The following MED27 variants were observed in gnomAD, a reference collection of about 807,000 sequenced individuals.
The protein encoded by MED27 is mediator of RNA polymerase II transcription subunit 27.
MED27 carries 30 observed loss-of-function variants against 38.2 expected under a neutral mutation model. That is an observed-to-expected ratio of 0.79 (90% CI 0.59 to 1.07). The LOEUF (loss-of-function observed/expected upper bound fraction) is 1.07. Among genes scored for constraint, MED27 ranks in the 50% least tolerant of loss-of-function variants. MED27 has a pLI of 0.00. For missense variants in MED27, 289 were observed against 397.5 expected (o/e 0.73, Z 2.32); for synonymous variants, 122 against 153.5 (o/e 0.79, Z 1.52).
At chr9:132,036,078 GA>G (rs1833069451) in intron 2 of MED27, among the ~76,000 whole-genome samples, 1 of 152,154 alleles carries the variant, frequency 6.6e-6, no homozygotes, top group Non-Finnish European at 1.5e-5. Flanking sequence ...AGACATTTTA[GA>G]AACATGAAAA....
chr9:131,924,381 T>C (rs1434056006), intron 4 of MED27, among the ~76,000 whole-genome samples: 22 of 152,182 alleles, frequency 1.4e-4, no homozygotes, highest in Admixed American at 1.4e-3. Flanking sequence ...ATATTTAAAA[T>C]TTGGTGAATT....
chr9:131,967,959 A>C (rs1831387571), intron 3 of MED27, among the ~76,000 whole-genome samples: 1 of 151,692 alleles, frequency 6.6e-6, no homozygotes, highest in South Asian at 2.1e-4. Flanking sequence ...CTGGGACTAC[A>C]GGCATCCACC....
rs1051246285 is a variant in MED27 at position 131,921,226 on chromosome 9, A to C, written c.573+18155T>G. 2.0e-5 allele frequency among the ~76,000 whole-genome samples: 3 copies of C among 152,156 alleles called. No homozygotes were observed. In the East Asian group the frequency reaches 5.8e-4, roughly 29 times the overall value. ...CCCTTCATCTAGGTGTCCTGTTAGC[A>C]CTACCCTGCACCTGCCGCAAACTCA... is the stretch of plus-strand genomic sequence containing the variant. On this transcript the variant is annotated intron_variant, in intron 4 of 7. Transcript: ENST00000292035.
At chr9:132,011,091 T>G (rs1832477025) in intron 3 of MED27, among the ~76,000 whole-genome samples, 1 of 152,182 alleles carries the variant, frequency 6.6e-6, no homozygotes. Flanking sequence ...GATATTGATA[T>G]GCAAATTTGA....
chr9:131,919,169 G>A (rs35249138), intron 4 of MED27, among the ~76,000 whole-genome samples: 41,268 of 152,090 alleles, frequency 0.27, 5,797 homozygotes, highest in East Asian at 0.4. Flanking sequence ...ACAGAATGCC[G>A]TATTTACACG....
At chr9:132,065,654 C>A (rs1434731916) in intron 2 of MED27, among the ~76,000 whole-genome samples, 1 of 152,210 alleles carries the variant, frequency 6.6e-6, no homozygotes, top group Non-Finnish European at 1.5e-5. Flanking sequence ...CCTGCAGCTG[C>A]CTTCCTCATA....
At chr9:132,028,741 C>T (rs1163353835) in intron 2 of MED27, among the ~76,000 whole-genome samples, 2 of 152,114 alleles carry the variant, frequency 1.3e-5, no homozygotes, top group African/African-American at 2.4e-5. Flanking sequence ...TTTCAAAACA[C>T]AGCCAGAGAT....
intron 3 of MED27, among the ~76,000 whole-genome samples, chr9:132,006,119 A>C (rs1461789191): frequency 2.0e-5 from 3 of 152,300 alleles, no homozygotes; most frequent in Non-Finnish European, 4.4e-5. Context: ...TTTCTACCCA[A>C]GTTTTGATGA....
At position 132,071,834 on chromosome 9, in the gene MED27, C is replaced by T. The variant is rs548282756; in HGVS notation, c.348+5608G>A. Among the ~76,000 whole-genome samples, 14 of 149,482 alleles carry T rather than the reference C, an allele frequency of 9.4e-5. No homozygotes were observed. The East Asian group carries it at 2.9e-3, about 31-fold the overall frequency. Reference sequence around the variant, plus strand: ...TGCACGCCCCATAAGTGAGTACACACATACACACACCCCATGAACAAGCAC... The same window carrying T: ...TGCACGCCCCATAAGTGAGTACACATATACACACACCCCATGAACAAGCAC... On this transcript the variant is annotated intron_variant, in intron 2 of 7. Coordinates refer to ENST00000292035, the MANE Select transcript of MED27 (RefSeq NM_004269.4).
chr9:131,923,223 C>T (rs190223388), intron 4 of MED27, among the ~76,000 whole-genome samples: 2 of 152,276 alleles, frequency 1.3e-5, no homozygotes, highest in Non-Finnish European at 2.9e-5. Flanking sequence ...CTGATACTTC[C>T]AATCGCAGTC....
chr9:131,952,206 A>G (rs953635202), intron 3 of MED27, among the ~76,000 whole-genome samples: 3 of 152,190 alleles, frequency 2.0e-5, no homozygotes, highest in African/African-American at 4.8e-5. Flanking sequence ...AGGGCAGGAG[A>G]AGCACGAGGC....
chr9:131,932,819 A>C (rs1364667201), intron 4 of MED27, among the ~76,000 whole-genome samples: 2 of 152,210 alleles, frequency 1.3e-5, no homozygotes, highest in African/African-American at 4.8e-5. Context: ...AACAAAAAAG[A>C]AAACTATAGG....
chr9:132,030,535 C>T (rs1832936076), intron 2 of MED27, among the ~76,000 whole-genome samples: 2 of 152,106 alleles, frequency 1.3e-5, no homozygotes, highest in Admixed American at 6.5e-5. Flanking sequence ...TAGCATCCGA[C>T]GGATCTTCTT....
intron 4 of MED27, among the ~76,000 whole-genome samples, chr9:131,912,994 A>G (rs957275897): frequency 2.0e-5 from 3 of 152,242 alleles, no homozygotes; most frequent in African/African-American, 7.2e-5. Context: ...TCTCCCTTTG[A>G]GGGTAGGTAC....
At chr9:131,998,397 T>C (rs1280442654) in intron 3 of MED27, among the ~76,000 whole-genome samples, 1 of 152,096 alleles carries the variant, frequency 6.6e-6, no homozygotes, top group Non-Finnish European at 1.5e-5. Context: ...GTTCCAGGCC[T>C]GGATCTGTTA....
At position 131,984,415 on chromosome 9, in the gene MED27, G is replaced by A. The variant is rs1363221627; in HGVS notation, c.479+29922C>T. On this transcript the variant is annotated intron_variant, in intron 3 of 7. Transcript: ENST00000292035. ...CTCAGATGACTATGAACTCAAGATC[G>A]ACTTGTTTGCCAGGCACTGTTCTAG... 4.6e-5 allele frequency among the ~76,000 whole-genome samples: 7 copies of A among 152,102 alleles called. No individual in the cohort carries two copies. In the South Asian group the frequency reaches 6.2e-4, roughly 14 times the overall value.
intron 2 of MED27, among the ~76,000 whole-genome samples, chr9:132,047,725 T>G (rs1833373879): frequency 6.6e-6 from 1 of 152,182 alleles, no homozygotes; most frequent in Admixed American, 6.5e-5. Flanking sequence ...GAATGGAATA[T>G]TATACAGTTT....
At position 132,051,551 on chromosome 9, in the gene MED27, AG is replaced by A. The variant is rs1193419404; in HGVS notation, c.348+25890del. On this transcript the variant is annotated intron_variant, in intron 2 of 7. Coordinates refer to ENST00000292035, the MANE Select transcript of MED27 (RefSeq NM_004269.4). The surrounding 1 kb of genome is among the most constrained non-coding windows in gnomAD (Gnocchi z 4.2). Reference sequence around the variant, plus strand: ...GGAAATATGCACAGTGAAGGAAAAAAGGGTTAGGTCAAGCACTCATCTACAT... The same window carrying A: ...GGAAATATGCACAGTGAAGGAAAAAAGGTTAGGTCAAGCACTCATCTACAT... Among the ~76,000 whole-genome samples the A allele has an allele frequency of 1.3e-5, 2 of 152,218 alleles. No individual in the cohort carries two copies. The highest frequency in any genetic ancestry group is 4.8e-5 in the African/African-American group (2 of 41,450).
Position 131,860,794 on chromosome 9 carries a change from G to C in MED27, c.802-122C>G, listed in dbSNP as rs1589165300. ...TGGCTTTGGCCCCAGAAGATGCCCT[G>C]TGATTTCACAGGGAGCAGCAGGCGG... is the stretch of plus-strand genomic sequence containing the variant. On this transcript the variant is annotated intron_variant, in intron 7 of 7. Transcript: ENST00000292035. The surrounding 1 kb of genome is among the most constrained non-coding windows in gnomAD (Gnocchi z 5.8). 2 of 1,127,508 alleles carry C rather than the reference G, an allele frequency of 1.8e-6. No individual in the cohort carries two copies. Among genetic ancestry groups the C allele is most frequent in the East Asian group, 5.3e-5 (2 of 37,556 alleles). The allele number at this position is 1,127,508 out of a possible 1,614,324, so 69.8% of individuals were successfully genotyped here.
Sources: gnomAD v4.1 joint callset for allele counts (sites outside exome capture counted in the v4.1 genomes callset) on GRCh38, gnomAD v4.1.1 for gene constraint, Gnocchi (gnomAD v3.1) non-coding constraint, MANE v1.5 for transcripts, NCBI Gene and HGNC (gene_info 2026-07-23, HGNC 2026-07-21) for gene names.